The following CHD9 variants were observed in gnomAD, a reference collection of about 807,000 sequenced individuals.
CHD9 encodes the protein ATP-dependent chromatin remodeler CHD9.
CHD9 carries 77 observed loss-of-function variants against 316.1 expected under a neutral mutation model. The ratio of observed to expected loss-of-function variants is 0.24; its 90% CI spans 0.20 to 0.29. The LOEUF (loss-of-function observed/expected upper bound fraction) is 0.29. Among genes scored for constraint, CHD9 ranks in the 10% least tolerant of loss-of-function variants. CHD9 has a pLI of 1.00. For missense variants in CHD9, 2,763 were observed against 3,438.1 expected, an observed-to-expected ratio of 0.80 and a Z score of 4.91; for synonymous variants, 1,129 against 1,158.3, an observed-to-expected ratio of 0.97 and a Z score of 0.51.
At chr16:53,150,829 A>G (rs1307695203) in intron 1 of CHD9, among the ~76,000 whole-genome samples, 1 of 152,218 alleles carries the variant, frequency 6.6e-6, no homozygotes, top group Non-Finnish European at 1.5e-5. Context: ...GTTTCTGATG[A>G]GAAATCCACT....
At chr16:53,174,695 A>G (rs1361490876) in intron 2 of CHD9, among the ~76,000 whole-genome samples, 1 of 152,066 alleles carries the variant, frequency 6.6e-6, no homozygotes. Context: ...TGCAGCTTCA[A>G]TGTCCTGGGC....
intron 1 of CHD9, among the ~76,000 whole-genome samples, chr16:53,086,500 A>G (rs934587542): frequency 6.6e-6 from 1 of 152,260 alleles, no homozygotes; most frequent in East Asian, 1.9e-4. Flanking sequence ...CCCGCCCCAG[A>G]CTAACCTTGG....
chr16:53,216,639 T>C (rs1281646820), intron 3 of CHD9, among the ~76,000 whole-genome samples: 1 of 152,210 alleles, frequency 6.6e-6, no homozygotes, highest in Non-Finnish European at 1.5e-5. Context: ...TGAGGTACTG[T>C]AGGCAAAAGC....
chr16:53,096,434 C>T (rs114126360), intron 1 of CHD9, among the ~76,000 whole-genome samples: 3,337 of 152,174 alleles, frequency 0.022, 147 homozygotes, highest in African/African-American at 0.076. Context: ...TTATTAAGTG[C>T]CAGGTGCTAT....
At position 53,146,436 on chromosome 16, in the gene CHD9, T is replaced by TATATATATATATATATATATATATAA. The variant is rs1385131635; in HGVS notation, c.-164-9489_-164-9488insTATATATATATATATATATATATAAA. Reference sequence around the variant, plus strand: ...GTGTGTATGTATATATATATATATATAATTAAAAAGTTCCAGAGATTGGTG... The same window carrying TATATATATATATATATATATATATAA: ...GTGTGTATGTATATATATATATATATATATATATATATATATATATATATAAAATTAAAAAGTTCCAGAGATTGGTG... On this transcript the variant is annotated intron_variant, in intron 1 of 38. Coordinates refer to ENST00000447540, the MANE Select transcript of CHD9 (RefSeq NM_001308319.2). Among the ~76,000 whole-genome samples, 165 of 130,876 alleles carry TATATATATATATATATATATATATAA rather than the reference T, an allele frequency of 1.3e-3. 6 individuals carry two copies. The highest frequency in any genetic ancestry group is 5.1e-3 in the African/African-American group (162 of 31,714). 85.9% of individuals were successfully genotyped at this position (130,876 alleles called of 152,430 possible). A position where few individuals can be genotyped will look rare whatever the true frequency, so the allele number is the denominator to read the frequency against.
chr16:53,178,296 A>G (rs2043224257), intron 2 of CHD9, among the ~76,000 whole-genome samples: 2 of 152,172 alleles, frequency 1.3e-5, no homozygotes, highest in South Asian at 4.2e-4. Context: ...TTGGTGAGAG[A>G]TGTGGATAGT....
rs759957818 is a variant in CHD9 at position 53,156,716 on chromosome 16, T to C, written c.627T>C (p.Asn209=). 1 of 1,613,992 alleles carries C rather than the reference T, an allele frequency of 6.2e-7. No homozygotes were observed. Among genetic ancestry groups the C allele is most frequent in the East Asian group, 2.2e-5 (1 of 44,884 alleles). The change falls in exon 2 of 39, where the codon AAT becomes AAC. Residue 209 remains asparagine, a synonymous_variant. Transcript: ENST00000447540. ...ATGTTTCTGGTCCACATAGAGTCAATGTTAACCACCCACCACAGATGACTA... is the reference window on the plus strand; with the variant it reads ...ATGTTTCTGGTCCACATAGAGTCAACGTTAACCACCCACCACAGATGACTA... ...FMNVSGPHRV[N]VNHPPQMTNA...
intron 29 of CHD9, among the ~76,000 whole-genome samples, chr16:53,295,925 T>G (rs1011033870): frequency 1.3e-5 from 2 of 152,206 alleles, no homozygotes; most frequent in Non-Finnish European, 2.9e-5. Flanking sequence ...TGAAAGAGAT[T>G]ACTTTTACCC....
At chr16:53,099,098 C>T (rs2036619919) in intron 1 of CHD9, 1 of 152,666 alleles carries the variant, frequency 6.6e-6, no homozygotes, top group Admixed American at 6.5e-5. Context: ...CTAGCAAGGC[C>T]TGGGCCCAGA....
chr16:53,263,228 G>C lies in CHD9; in HGVS notation c.4320+131G>C, dbSNP rs983518609. On this transcript the variant is annotated intron_variant, in intron 20 of 38. Coordinates refer to ENST00000447540, the MANE Select transcript of CHD9 (RefSeq NM_001308319.2). Reference sequence around the variant, plus strand: ...TAGATATATAAATTGAAGTAGGGTAGCAGAATGAACTGAGTGAGGTTCTCC... The same window carrying C: ...TAGATATATAAATTGAAGTAGGGTACCAGAATGAACTGAGTGAGGTTCTCC... 72 of 601,684 alleles carry C rather than the reference G, an allele frequency of 1.2e-4. No individual in the cohort carries two copies. In the South Asian group the frequency reaches 1.6e-3, roughly 14 times the overall value. The allele number at this position is 601,684 out of a possible 1,614,324, so 37.3% of individuals were successfully genotyped here.
At chr16:53,116,876 T>C (rs2038350863) in intron 1 of CHD9, among the ~76,000 whole-genome samples, 1 of 152,160 alleles carries the variant, frequency 6.6e-6, no homozygotes, top group South Asian at 2.1e-4. Flanking sequence ...ATTTAAACCA[T>C]GGAATGCTAT....
chr16:53,197,594 T>C (rs2045041145), intron 2 of CHD9, among the ~76,000 whole-genome samples: 1 of 152,032 alleles, frequency 6.6e-6, no homozygotes, highest in Non-Finnish European at 1.5e-5. Context: ...TATCTTAAAA[T>C]CCCAGAATTG....
At chr16:53,202,265 C>T (rs1468972347) in intron 2 of CHD9, among the ~76,000 whole-genome samples, 2 of 152,124 alleles carry the variant, frequency 1.3e-5, no homozygotes, top group Non-Finnish European at 2.9e-5. Context: ...TTCTATTTCT[C>T]CAGTTGCTAA....
At chr16:53,254,386 A>G (rs1420157913) in intron 17 of CHD9, 52 bp from the exon 18 acceptor site, 1 of 1,380,944 alleles carries the variant, frequency 7.2e-7, no homozygotes, top group Non-Finnish European at 9.8e-7. Context: ...ATAGTTTACT[A>G]TTAAATGCCT....
chr16:53,178,427 CTTTTTTTTTTT>C (rs10569589), intron 2 of CHD9, among the ~76,000 whole-genome samples: 7 of 98,974 alleles, frequency 7.1e-5, no homozygotes, highest in African/African-American at 2.5e-4. Flanking sequence ...TTGTTGGTTT[CTTTTTTTTTTT>C]TTTTTTTTTT....
At chr16:53,128,981 G>A (rs1311174437) in intron 1 of CHD9, among the ~76,000 whole-genome samples, 1 of 152,130 alleles carries the variant, frequency 6.6e-6, no homozygotes, top group Non-Finnish European at 1.5e-5. Context: ...CCAGTAGTGA[G>A]GAAGGAGATA....
chr16:53,091,435 G>A (rs1805358499), intron 1 of CHD9, among the ~76,000 whole-genome samples: 1 of 152,194 alleles, frequency 6.6e-6, no homozygotes, highest in South Asian at 2.1e-4. Flanking sequence ...CCTACATCTG[G>A]CAGGTGGGAA....
intron 1 of CHD9, among the ~76,000 whole-genome samples, chr16:53,087,503 C>T (rs2035563009): frequency 6.6e-6 from 1 of 152,196 alleles, no homozygotes; most frequent in Non-Finnish European, 1.5e-5. Flanking sequence ...AATCCTGCCT[C>T]CACTATTTAT....
intron 1 of CHD9, among the ~76,000 whole-genome samples, chr16:53,085,399 G>T (rs1346928105): frequency 6.6e-6 from 1 of 152,082 alleles, no homozygotes; most frequent in Admixed American, 6.6e-5. Flanking sequence ...GTTGCCTGCT[G>T]TGCCTAAAGG....
Sources: gnomAD v4.1 joint callset for allele counts (sites outside exome capture counted in the v4.1 genomes callset) on GRCh38, gnomAD v4.1.1 for gene constraint, MANE v1.5 for transcripts, NCBI Gene and HGNC (gene_info 2026-07-23, HGNC 2026-07-21) for gene names.